PASK: variants seen among roughly 807,000 people sequenced by gnomAD.
PASK encodes PAS domain containing serine/threonine kinase.
In PASK, 110 loss-of-function variants were observed where a neutral mutation model predicts 121.0. The ratio of observed to expected loss-of-function variants is 0.91; its 90% confidence interval spans 0.78 to 1.06. PASK has a LOEUF of 1.06. Ranked by LOEUF, PASK falls within the 50% of genes least tolerant of loss-of-function variation. The pLI is 0.00. For missense variants in PASK, 1,643 were observed against 1,702.3 expected (o/e 0.97, Z 0.61); for synonymous variants, 686 against 717.8 (o/e 0.96, Z 0.71).
At chr2:241,131,001 G>A (rs950876798) in intron 9 of PASK, among the ~76,000 whole-genome samples, 2 of 152,190 alleles carry the variant, frequency 1.3e-5, no homozygotes, top group Non-Finnish European at 2.9e-5. Flanking sequence ...AAATGCACAA[G>A]AAAGAAGGCC....
At chr2:241,142,531 C>T (rs2066749713) in intron 2 of PASK, among the ~76,000 whole-genome samples, 1 of 152,244 alleles carries the variant, frequency 6.6e-6, no homozygotes, top group Non-Finnish European at 1.5e-5. Context: ...CCTAGAACAG[C>T]GTTCTCACAT....
chr2:241,139,496 G>A (rs1244732677), intron 4 of PASK: 12 of 482,314 alleles, frequency 2.5e-5, no homozygotes, highest in South Asian at 4.6e-5. Flanking sequence ...ACCCCCGCCC[G>A]CTCCCACAAA....
chr2:241,126,468 C>T lies in PASK; in HGVS notation c.2447G>A (p.Ser816Asn), dbSNP rs753823992. 3 of 1,614,258 alleles carry T rather than the reference C, an allele frequency of 1.9e-6. No individual in the cohort carries two copies. Among genetic ancestry groups the T allele is most frequent in the South Asian group, 2.2e-5 (2 of 91,088 alleles). The change falls in exon 10 of 18, where the codon AGC becomes AAC. Residue 816 changes from serine to asparagine, a missense_variant. Physicochemically the swap from Ser to Asn is conservative, Grantham distance 46 (BLOSUM62 1). This residue lies in a region of PASK where 1,176 missense variants were observed against 1,162.2 expected (regional missense o/e 1.01). Coordinates refer to ENST00000234040, the MANE Select transcript of PASK (RefSeq NM_015148.4). ...TTCTGTTGGATCATGTCCCACACAG[C>T]TCTCCCGGAACCGTCGGCCTTGGCC... ...DLGQGRRFRE[S>N]CVGHDPTEPL...
At chr2:241,150,064 G>C, upstream of PASK, 3 of 1,332,552 alleles carry the variant, frequency 2.3e-6, no homozygotes, top group Non-Finnish European at 2.9e-6. Flanking sequence ...GATGCACGTA[G>C]GACTGGCCCG....
rs780435991 is a variant in PASK at position 241,126,904 on chromosome 2, G to A, written c.2011C>T (p.Leu671Phe). 1.9e-6 allele frequency: 3 copies of A among 1,613,786 alleles called. No individual in the cohort carries two copies. Among genetic ancestry groups the A allele is most frequent in the Non-Finnish European group, 2.5e-6 (3 of 1,179,824 alleles). Residue 671 changes from leucine to phenylalanine, a missense_variant, in exon 10 of 18, where the codon CTT becomes TTT. Physicochemically the swap from Leu to Phe is conservative, Grantham distance 22 (BLOSUM62 0). This residue lies in a region of PASK where 1,176 missense variants were observed against 1,162.2 expected (regional missense o/e 1.01). Coordinates refer to ENST00000234040, the MANE Select transcript of PASK (RefSeq NM_015148.4). ...LIKEQLSQLS[L>F]AGALDVPHAE... ...TGGGGGACATCCAGGGCTCCTGCAAGGCTCAACTGGGACAGCTGCTCCTTA... is the reference window on the plus strand; with the variant it reads ...TGGGGGACATCCAGGGCTCCTGCAAAGCTCAACTGGGACAGCTGCTCCTTA...
intron 9 of PASK, among the ~76,000 whole-genome samples, chr2:241,130,594 T>C (rs2066080588): frequency 6.6e-6 from 1 of 152,050 alleles, no homozygotes; most frequent in Admixed American, 6.5e-5. Flanking sequence ...ACAGCAATAT[T>C]ATTCATAGTA....
At position 241,126,895 on chromosome 2, in the gene PASK, C is replaced by A; in HGVS notation, c.2020G>T (p.Ala674Ser). 2 of 1,613,724 alleles carry A rather than the reference C, an allele frequency of 1.2e-6. No homozygotes were observed. The highest frequency in any genetic ancestry group is 1.7e-6 in the Non-Finnish European group (2 of 1,179,686). ...EQLSQLSLAG[A>S]LDVPHAELVP... ...AGTTCGGCGTGGGGGACATCCAGGGCTCCTGCAAGGCTCAACTGGGACAGC... is the reference window on the plus strand; with the variant it reads ...AGTTCGGCGTGGGGGACATCCAGGGATCCTGCAAGGCTCAACTGGGACAGC... Residue 674 changes from alanine to serine, a missense_variant, in exon 10 of 18, where the codon GCC becomes TCC. Ala to Ser is a moderately conservative substitution (Grantham distance 99, BLOSUM62 1). This residue lies in a region of PASK where 1,176 missense variants were observed against 1,162.2 expected (regional missense o/e 1.01). Transcript: ENST00000234040.
intron 9 of PASK, among the ~76,000 whole-genome samples, chr2:241,128,968 A>AG (rs770131256): frequency 6.6e-6 from 1 of 151,674 alleles, no homozygotes; most frequent in Non-Finnish European, 1.5e-5. Flanking sequence ...AGGGGAACTG[A>AG]GGGGGAGGCT....
chr2:241,108,176 C>A lies in PASK; in HGVS notation c.3658G>T (p.Val1220Leu). The part of the protein sequence containing the change: ...VEAAIHPPYL[V>L]SKELMSLVSG... ...TGCAGCTCACGCTCACCTTTGGACA[C>A]CAGGTATGGCGGGTGTATGGCAGCC... Residue 1220 changes from valine to leucine, a missense_variant, in exon 16 of 18, where the codon GTG (valine) becomes TTG (leucine). Val to Leu is a conservative substitution (Grantham distance 32). Around this residue, in one of 3 missense-constraint regions of PASK, gnomAD observed 453 missense variants for 511.2 expected, o/e 0.89. Transcript: ENST00000234040. The surrounding 1 kb of genome is among the most constrained non-coding windows in gnomAD (Gnocchi z 5.2). 5.6e-6 allele frequency: 9 copies of A among 1,614,176 alleles called. No homozygotes were observed. Among genetic ancestry groups the A allele is most frequent in the Admixed American group, 1.7e-5 (1 of 60,030 alleles).
At chr2:241,114,424 C>G in intron 14 of PASK, 1 of 987,098 alleles carries the variant, frequency 1.0e-6, no homozygotes, top group Non-Finnish European at 1.2e-6. Context: ...GAGCTGGGAG[C>G]AGTACAGGAT....
intron 12 of PASK, chr2:241,118,999 G>T (rs965846067): frequency 5.2e-6 from 5 of 959,576 alleles, no homozygotes; most frequent in Non-Finnish European, 6.3e-6. Flanking sequence ...GTCAGGCTGG[G>T]CCTTGCGCCA....
intron 10 of PASK, 48 bp from the exon 11 acceptor site, chr2:241,124,181 A>G (rs772201025): frequency 2.0e-6 from 3 of 1,504,036 alleles, no homozygotes; most frequent in East Asian, 2.3e-5. Flanking sequence ...TGACCTGGCT[A>G]GACAGCAGCT....
At chr2:241,146,672 C>G (rs1241758311) in intron 1 of PASK, among the ~76,000 whole-genome samples, 3 of 152,142 alleles carry the variant, frequency 2.0e-5, no homozygotes, top group Non-Finnish European at 4.4e-5. Context: ...ATGAAATAAT[C>G]TAAATAAGTA....
chr2:241,137,104 C>T lies in PASK; in HGVS notation c.1037G>A (p.Ser346Asn). ...ATCCGGCAGGAGGGTGATGAGGCCACTGATGGTGCAGAACACCCAGACAGA... is the reference window on the plus strand; with the variant it reads ...ATCCGGCAGGAGGGTGATGAGGCCATTGATGGTGCAGAACACCCAGACAGA... Reference protein sequence around the residue: ...RASVWVFCTISGLITLLPDGT... With the variant: ...RASVWVFCTINGLITLLPDGT... The change falls in exon 7 of 18, where the codon AGT (serine) becomes AAT (asparagine). Residue 346 changes from serine to asparagine, a missense_variant. By Grantham distance (46) the Ser-to-Asn change is conservative. Coordinates refer to ENST00000234040, the MANE Select transcript of PASK (RefSeq NM_015148.4). The T allele has an allele frequency of 1.2e-6, 2 of 1,613,796 alleles. No homozygotes were observed. Among genetic ancestry groups the T allele is most frequent in the Non-Finnish European group, 1.7e-6 (2 of 1,179,924 alleles).
At chr2:241,116,691 A>T (rs2065385580) in intron 12 of PASK, among the ~76,000 whole-genome samples, 2 of 152,240 alleles carry the variant, frequency 1.3e-5, no homozygotes, top group Non-Finnish European at 2.9e-5. Context: ...AGTGTAACAG[A>T]AAAAGATACC....
chr2:241,122,638 T>C (rs2065663854), intron 12 of PASK, 94 bp downstream of exon 12: 1 of 1,192,946 alleles, frequency 8.4e-7, no homozygotes, highest in Non-Finnish European at 1.3e-6. Flanking sequence ...CCTAGAGGAC[T>C]CCTCCAAAAA....
chr2:241,106,796 A>T (rs2064903962), intron 17 of PASK, 73 bp from the exon 18 acceptor site: 1 of 1,463,700 alleles, frequency 6.8e-7, no homozygotes, highest in South Asian at 1.1e-5. Flanking sequence ...TTCTCACTTG[A>T]AGAAGTCCTA....
At chr2:241,134,177 C>G (rs1460308946) in intron 8 of PASK, 1 of 152,050 alleles carries the variant, frequency 6.6e-6, no homozygotes, top group Non-Finnish European at 1.5e-5. Context: ...GGAAACAATG[C>G]GAGAGTAACA....
chr2:241,125,204 G>A (rs531911986), intron 10 of PASK, among the ~76,000 whole-genome samples: 1 of 152,082 alleles, frequency 6.6e-6, no homozygotes, highest in Non-Finnish European at 1.5e-5. Context: ...AGGAGGCTGG[G>A]GCAGGAGAAT....
Sources: allele counts gnomAD v4.1 joint callset (sites outside exome capture counted in the v4.1 genomes callset), GRCh38; gene constraint gnomAD v4.1.1; regional missense constraint gnomAD v4.1.1; non-coding constraint Gnocchi (gnomAD v3.1); transcripts MANE v1.5; gene names NCBI Gene and HGNC (gene_info 2026-07-23, HGNC 2026-07-21).